CDC42SE2: variants seen among roughly 807,000 people sequenced by gnomAD.
CDC42SE2 encodes the protein CDC42 small effector 2, also known as CDC42 small effector protein 2.
In CDC42SE2, 3 loss-of-function variants were observed where a neutral mutation model predicts 11.5. That is an observed-to-expected ratio of 0.26 (90% CI 0.12 to 0.67). CDC42SE2 has a LOEUF of 0.67. CDC42SE2 is among the 30% of genes least tolerant of loss of function. The pLI, the probability that CDC42SE2 is intolerant of heterozygous loss-of-function variation, is 0.80. For synonymous variants in CDC42SE2, 33 were observed against 34.8 expected, an observed-to-expected ratio of 0.95 and a Z score of 0.18; for missense variants, 82 against 106.8, an observed-to-expected ratio of 0.77 and a Z score of 1.02.
At chr5:131,286,395 T>TTG (rs1043293968) in intron 1 of CDC42SE2, among the ~76,000 whole-genome samples, 1 of 149,856 alleles carries the variant, frequency 6.7e-6, no homozygotes, top group African/African-American at 2.5e-5. Flanking sequence ...GTTTTTTTTT[T>TTG]TTTTTTTTTT....
chr5:131,365,874 C>T (rs1294892845), intron 3 of CDC42SE2, among the ~76,000 whole-genome samples: 1 of 152,058 alleles, frequency 6.6e-6, no homozygotes, highest in South Asian at 2.1e-4. Context: ...CCCAGCTACT[C>T]GGGAGGCTGA....
At chr5:131,263,068 AACTATAGGT>A (rs1284692734), upstream of CDC42SE2, among the ~76,000 whole-genome samples, 8 of 151,154 alleles carry the variant, frequency 5.3e-5, no homozygotes, top group Non-Finnish European at 1.2e-4. Flanking sequence ...GAGTACCTGG[AACTATAGGT>A]ACACGCCAAC....
intron 2 of CDC42SE2, among the ~76,000 whole-genome samples, chr5:131,337,837 G>T (rs1758612199): frequency 6.6e-6 from 1 of 152,218 alleles, no homozygotes; most frequent in Non-Finnish European, 1.5e-5. Flanking sequence ...ATTAGGGTGG[G>T]AGTTACCCGA....
intron 1 of CDC42SE2, among the ~76,000 whole-genome samples, chr5:131,266,470 T>C (rs1358462878): frequency 1.3e-5 from 2 of 150,252 alleles, no homozygotes; most frequent in East Asian, 3.9e-4. Context: ...CTTTTTTTTT[T>C]TTTTTTCGAG....
At chr5:131,293,244 G>A (rs1398145374) in intron 1 of CDC42SE2, among the ~76,000 whole-genome samples, 2 of 152,170 alleles carry the variant, frequency 1.3e-5, no homozygotes, top group African/African-American at 4.8e-5. Flanking sequence ...CTTCTACCAT[G>A]TGAAGATACA....
chr5:131,246,833 T>A (rs1756597680), intron 1 of CDC42SE2, among the ~76,000 whole-genome samples: 1 of 145,444 alleles, frequency 6.9e-6, no homozygotes, highest in Non-Finnish European at 1.5e-5. Context: ...AATCTCTGCC[T>A]CCGGGGTTCA....
intron 1 of CDC42SE2, among the ~76,000 whole-genome samples, chr5:131,278,440 A>G (rs1757148989): frequency 6.6e-6 from 1 of 151,892 alleles, no homozygotes; most frequent in Non-Finnish European, 1.5e-5. Context: ...CTTAGATCAG[A>G]GTAGTTAAGT....
At chr5:131,293,672 T>A (rs541016699) in intron 1 of CDC42SE2, among the ~76,000 whole-genome samples, 1 of 152,168 alleles carries the variant, frequency 6.6e-6, no homozygotes, top group South Asian at 2.1e-4. Context: ...AAACAAATTT[T>A]CATTGTGTAT....
intron 2 of CDC42SE2, among the ~76,000 whole-genome samples, chr5:131,344,296 C>T (rs1242153775): frequency 1.3e-5 from 2 of 152,166 alleles, no homozygotes; most frequent in Non-Finnish European, 2.9e-5. Flanking sequence ...TGGGACACTC[C>T]CACCCTAATA....
At chr5:131,273,098 T>C (rs1757027063) in intron 1 of CDC42SE2, among the ~76,000 whole-genome samples, 1 of 151,668 alleles carries the variant, frequency 6.6e-6, no homozygotes, top group Admixed American at 6.6e-5. Context: ...TAGTCCCCTG[T>C]GATCTCATTC....
Position 131,394,361 on chromosome 5 carries a change from T to C in CDC42SE2, c.*3270T>C, listed in dbSNP as rs1257862568. 6.6e-6 allele frequency: 1 copy of C among 152,348 alleles called. No individual in the cohort carries two copies. Among genetic ancestry groups the C allele is most frequent in the Non-Finnish European group, 1.5e-5 (1 of 68,034 alleles). 9.4% of individuals were successfully genotyped at this position (152,348 alleles called of 1,614,324 possible). ...AAGCGTAGAGCGGAAATGTTGACTT[T>C]AGTTAACATTGGGTTTAGCATTTCC... On this transcript the variant is annotated 3_prime_UTR_variant, in exon 5 of 5. Transcript: ENST00000505065.
At chr5:131,351,285 C>T (rs755199041) in intron 2 of CDC42SE2, among the ~76,000 whole-genome samples, 6 of 151,824 alleles carry the variant, frequency 4.0e-5, no homozygotes, top group South Asian at 2.1e-4. Context: ...GACGGAGTCT[C>T]GCTCTGTTGC....
intron 1 of CDC42SE2, among the ~76,000 whole-genome samples, chr5:131,280,758 A>AG (rs1435321123): frequency 6.6e-6 from 1 of 152,212 alleles, no homozygotes; most frequent in Non-Finnish European, 1.5e-5. Context: ...AGTCTGTCCA[A>AG]GTCCGACTGA....
At chr5:131,255,477 CGA>C (rs1756672748) in intron 2 of CDC42SE2, 1 of 151,974 alleles carries the variant, frequency 6.6e-6, no homozygotes, top group East Asian at 1.9e-4. Flanking sequence ...AAAAAGATTG[CGA>C]GAGAGCCGGG....
chr5:131,375,098 A>T (rs1244157705), intron 3 of CDC42SE2, among the ~76,000 whole-genome samples: 4 of 150,836 alleles, frequency 2.7e-5, no homozygotes, highest in African/African-American at 9.8e-5. Flanking sequence ...GACTTAAACC[A>T]GATACTAATT....
intron 1 of CDC42SE2, among the ~76,000 whole-genome samples, chr5:131,272,235 G>C (rs1236068083): frequency 6.6e-6 from 1 of 151,582 alleles, no homozygotes; most frequent in African/African-American, 2.4e-5. Flanking sequence ...GGCTGGTCTC[G>C]AACTCTCACT....
intron 1 of CDC42SE2, among the ~76,000 whole-genome samples, chr5:131,293,309 C>T (rs925926096): frequency 2.6e-5 from 4 of 151,704 alleles, no homozygotes; most frequent in South Asian, 2.1e-4. Context: ...CGGTGGCTCA[C>T]GTCTGTAATC....
chr5:131,246,231 A>G (rs951838698), intron 1 of CDC42SE2, among the ~76,000 whole-genome samples: 2 of 152,170 alleles, frequency 1.3e-5, no homozygotes, highest in Non-Finnish European at 2.9e-5. Context: ...TGCAGCAGGC[A>G]GATTACCTGA....
intron 3 of CDC42SE2, among the ~76,000 whole-genome samples, chr5:131,381,490 T>C (rs145014661): frequency 0.017 from 2,621 of 152,204 alleles, 74 homozygotes; most frequent in African/African-American, 0.06. Context: ...GCCTGGCTAA[T>C]TTTTGTATTT....
Sources: allele counts gnomAD v4.1 joint callset (sites outside exome capture counted in the v4.1 genomes callset), GRCh38; gene constraint gnomAD v4.1.1; transcripts MANE v1.5; gene names NCBI Gene and HGNC (gene_info 2026-07-23, HGNC 2026-07-21).